Variants in ADGRL2 observed in about 807,000 individuals in gnomAD.
ADGRL2 encodes adhesion G protein-coupled receptor L2, also known as calcium-independent alpha-latrotoxin receptor 2.
A neutral mutation model predicts 157.4 loss-of-function variants in ADGRL2; 44 were observed. The observed-to-expected ratio is 0.28, with a 90% confidence interval of 0.22 to 0.36. ADGRL2 has a LOEUF of 0.36. ADGRL2 is among the 10% of genes least tolerant of loss of function. The pLI is 1.00. For synonymous variants in ADGRL2, 585 were observed against 624.7 expected, an observed-to-expected ratio of 0.94 and a Z score of 0.95; for missense variants, 1,510 against 1,768.9, an observed-to-expected ratio of 0.85 and a Z score of 2.63.
intron 2 of ADGRL2, among the ~76,000 whole-genome samples, chr1:81,518,849 G>A (rs1224567099): frequency 6.6e-6 from 1 of 151,530 alleles, no homozygotes; most frequent in East Asian, 1.9e-4. Context: ...AAGATTAAAT[G>A]AGATATATAA....
intron 1 of ADGRL2, among the ~76,000 whole-genome samples, chr1:81,382,879 T>C (rs1453456485): frequency 1.3e-5 from 2 of 152,226 alleles, no homozygotes; most frequent in Admixed American, 1.3e-4. Flanking sequence ...GGATTTCAAC[T>C]AACATTCGGG....
chr1:81,987,692 G>A (rs1479230330), intron 22 of ADGRL2, among the ~76,000 whole-genome samples, 177 bp from the exon 23 acceptor site: 1 of 151,486 alleles, frequency 6.6e-6, no homozygotes, highest in African/African-American at 2.4e-5. Context: ...TCAAGATTTT[G>A]GTAAAGTTTT....
intron 2 of ADGRL2, among the ~76,000 whole-genome samples, chr1:81,463,373 ATGTT>A (rs1200916333): frequency 2.0e-5 from 3 of 151,974 alleles, no homozygotes; most frequent in Non-Finnish European, 2.9e-5. Context: ...TCTAGACTGA[ATGTT>A]TGGTACTCAG....
At chr1:81,965,978 A>T (rs1656920691) in intron 11 of ADGRL2, 80 bp from the exon 12 acceptor site, 3 of 1,403,216 alleles carry the variant, frequency 2.1e-6, no homozygotes, top group Non-Finnish European at 2.9e-6. Context: ...AGTAGTTTCC[A>T]TACAGTTATC....
intron 2 of ADGRL2, among the ~76,000 whole-genome samples, chr1:81,507,490 T>C (rs578028035): frequency 2.7e-4 from 41 of 152,334 alleles, no homozygotes; most frequent in African/African-American, 9.9e-4. Context: ...AGTGACATTT[T>C]GCATGGTGAC....
chr1:81,366,198 A>G (rs1332284765), intron 1 of ADGRL2, among the ~76,000 whole-genome samples: 1 of 152,160 alleles, frequency 6.6e-6, no homozygotes, highest in Non-Finnish European at 1.5e-5. Flanking sequence ...GTAATGTTTA[A>G]GAGTAAGCTG....
chr1:81,854,257 C>T (rs2093123621), intron 2 of ADGRL2, among the ~76,000 whole-genome samples: 1 of 152,198 alleles, frequency 6.6e-6, no homozygotes. Context: ...TGCCGAACCA[C>T]TGGATTTATC....
chr1:81,351,724 G>GT, intron 1 of ADGRL2, among the ~76,000 whole-genome samples: 1 of 152,236 alleles, frequency 6.6e-6, no homozygotes, highest in South Asian at 2.1e-4. Flanking sequence ...ATTAAATAAT[G>GT]TTTTTAGTGC....
intron 1 of ADGRL2, among the ~76,000 whole-genome samples, chr1:81,708,661 C>CATATATATATATATATATAT (rs1557584505): frequency 1.5e-5 from 2 of 134,458 alleles, no homozygotes; most frequent in African/African-American, 5.7e-5. Context: ...TATATACACA[C>CATATATATATATATATATAT]ACACATATAT....
intron 1 of ADGRL2, among the ~76,000 whole-genome samples, chr1:81,754,858 C>A (rs1209451217): frequency 1.3e-5 from 2 of 151,410 alleles, no homozygotes; most frequent in Non-Finnish European, 2.9e-5. Context: ...ATAATAACAC[C>A]CAAATTATTA....
At chr1:81,343,037 A>G (rs1296821137) in intron 1 of ADGRL2, among the ~76,000 whole-genome samples, 2 of 151,280 alleles carry the variant, frequency 1.3e-5, no homozygotes, top group South Asian at 2.1e-4. Context: ...CATGCTTACT[A>G]TTATTATACA....
intron 1 of ADGRL2, among the ~76,000 whole-genome samples, chr1:81,417,707 C>T (rs1242224105): frequency 1.3e-5 from 2 of 152,070 alleles, no homozygotes; most frequent in African/African-American, 2.4e-5. Context: ...AATTTCAGTT[C>T]GAAACTTGGT....
At chr1:81,740,588 CAG>C (rs1192104889) in intron 1 of ADGRL2, among the ~76,000 whole-genome samples, 3 of 152,136 alleles carry the variant, frequency 2.0e-5, no homozygotes, top group African/African-American at 4.8e-5. Context: ...TATTCAGACA[CAG>C]AAATAAAATC....
intron 1 of ADGRL2, among the ~76,000 whole-genome samples, chr1:81,390,528 G>T (rs190420041): frequency 5.7e-4 from 87 of 151,472 alleles, no homozygotes; most frequent in African/African-American, 2.0e-3. Context: ...TGACAGGAAA[G>T]CTCAAATAGC....
intron 1 of ADGRL2, among the ~76,000 whole-genome samples, chr1:81,363,034 A>T (rs2076005163): frequency 6.6e-6 from 1 of 152,190 alleles, no homozygotes; most frequent in Admixed American, 6.5e-5. Context: ...ACTTATCAGA[A>T]TTTATGTACA....
chr1:81,543,130 A>T (rs2079927752), intron 2 of ADGRL2, among the ~76,000 whole-genome samples: 1 of 152,078 alleles, frequency 6.6e-6, no homozygotes, highest in South Asian at 2.1e-4. Context: ...ATGTGACTAT[A>T]GGACCCTGGA....
chr1:81,982,387 T>G (rs1336621704), intron 19 of ADGRL2, among the ~76,000 whole-genome samples: 1 of 151,990 alleles, frequency 6.6e-6, no homozygotes, highest in Non-Finnish European at 1.5e-5. Context: ...TACAAAAAAT[T>G]AATGTTACCT....
At chr1:81,801,566 C>T (rs976151078) in intron 1 of ADGRL2, among the ~76,000 whole-genome samples, 7 of 152,214 alleles carry the variant, frequency 4.6e-5, no homozygotes, top group African/African-American at 1.7e-4. Flanking sequence ...CTCTTCCCGG[C>T]TACTCCTTGC....
At chr1:81,685,117 A>G (rs1224323089) in intron 3 of ADGRL2, among the ~76,000 whole-genome samples, 2 of 152,026 alleles carry the variant, frequency 1.3e-5, no homozygotes, top group African/African-American at 4.8e-5. Flanking sequence ...TGGCTATGCG[A>G]GCTCTTTTTT....
Sources: allele counts gnomAD v4.1 joint callset (sites outside exome capture counted in the v4.1 genomes callset), GRCh38; gene constraint gnomAD v4.1.1; transcripts MANE v1.5; gene names NCBI Gene and HGNC (gene_info 2026-07-23, HGNC 2026-07-21).